CHD1L: variants seen among roughly 807,000 people sequenced by gnomAD.
CHD1L encodes ATP-dependent chromatin remodeler CHD1L.
Under a neutral mutation model 115.9 loss-of-function variants are expected in CHD1L, and 118 were observed. That is an observed-to-expected ratio of 1.02 (90% CI 0.88 to 1.19). The LOEUF (loss-of-function observed/expected upper bound fraction) is 1.19. CHD1L is among the 50% of genes most tolerant of loss of function. The pLI is 0.00. For missense variants in CHD1L, 1,179 were observed against 1,065.3 expected, an observed-to-expected ratio of 1.11 and a Z score of -1.49; for synonymous variants, 411 against 387.1, an observed-to-expected ratio of 1.06 and a Z score of -0.72.
chr1:147,267,399 G>C, intron 8 of CHD1L, 27 bp from the exon 9 acceptor site: 2 of 1,568,914 alleles, frequency 1.3e-6, no homozygotes, highest in Non-Finnish European at 1.8e-6. Context: ...ATCTCTTTCT[G>C]TCTCTCTCTT....
chr1:147,186,224 G>C, the CHD1L span: 2 of 648,764 alleles, frequency 3.1e-6, no homozygotes, highest in African/African-American at 4.0e-5. Context: ...CTCATTGGCA[G>C]ATGGTAGATG....
chr1:147,178,782 A>T, the CHD1L span: 2 of 1,604,444 alleles, frequency 1.2e-6, no homozygotes, highest in Non-Finnish European at 1.7e-6. Context: ...TGGCATATAC[A>T]GTGCAAAAAA....
the CHD1L span, chr1:147,178,114 A>C: frequency 8.2e-6 from 13 of 1,581,116 alleles, no homozygotes; most frequent in South Asian, 2.2e-5. Context: ...CCTCGCCGCC[A>C]TGTGCCTCCG....
chr1:147,256,097 A>G (rs782056462), intron 4 of CHD1L, among the ~76,000 whole-genome samples, 170 bp downstream of exon 4: 2 of 152,108 alleles, frequency 1.3e-5, no homozygotes, highest in African/African-American at 2.4e-5. Context: ...GTGAAGGATC[A>G]TTGTGCTTCA....
chr1:147,201,336 G>A, the CHD1L span: 2,514 of 1,614,162 alleles, frequency 1.6e-3, 25 homozygotes, highest in African/African-American at 0.017. Flanking sequence ...GAAAGTCAAA[G>A]CTATAGCCTG....
chr1:147,295,653 G>A lies in CHD1L; in HGVS notation c.*144G>A. On this transcript the variant is annotated 3_prime_UTR_variant, in exon 23 of 23. Transcript: ENST00000369258. ...TCTGAGTTTCAGTTTGGTTCTCCTG[G>A]ATGTTTTGCTCTGTTTTGGTACCTG... The A allele has an allele frequency of 1.5e-6, 1 of 645,480 alleles. No individual in the cohort carries two copies. The highest frequency in any genetic ancestry group is 2.6e-6 in the Non-Finnish European group (1 of 390,940). 40.0% of individuals were successfully genotyped at this position (645,480 alleles called of 1,614,324 possible).
chr1:147,178,210 G>A, the CHD1L span: 1 of 1,613,200 alleles, frequency 6.2e-7, no homozygotes, highest in African/African-American at 1.3e-5. Context: ...ACTCAGGGAC[G>A]ACAACTTGGA....
intron 21 of CHD1L, 46 bp from the exon 22 acceptor site, chr1:147,294,363 A>G (rs1553974238): frequency 4.3e-6 from 6 of 1,404,226 alleles, no homozygotes; most frequent in Middle Eastern, 1.8e-4. Context: ...ATACCCATCA[A>G]TCAATTTTTG....
chr1:147,194,720 C>T, the CHD1L span, among the ~76,000 whole-genome samples: 1 of 152,002 alleles, frequency 6.6e-6, no homozygotes, highest in Non-Finnish European at 1.5e-5. Flanking sequence ...CAAAATCTCT[C>T]AGCATTTGCT....
At chr1:147,239,703 G>A (rs140678816), upstream of CHD1L, among the ~76,000 whole-genome samples, 190 of 152,276 alleles carry the variant, frequency 1.2e-3, no homozygotes, top group African/African-American at 4.4e-3. Flanking sequence ...TTTCTTAGCT[G>A]TATTTTAGGT....
chr1:147,267,530 C>A lies in CHD1L; in HGVS notation c.988+12C>A, dbSNP rs782461248. The A allele has an allele frequency of 1.8e-5, 28 of 1,588,468 alleles. No homozygotes were observed. Among genetic ancestry groups the A allele is most frequent in the Middle Eastern group, 1.7e-4 (1 of 6,018 alleles). ...ATATTTGTTTGATGGTGAGACAGTG[C>A]CTTTTCCCCCCACATTATTCTTTGG... is the stretch of plus-strand genomic sequence containing the variant. On this transcript the variant is annotated intron_variant, in intron 9 of 22. Coordinates refer to ENST00000369258, the MANE Select transcript of CHD1L (RefSeq NM_004284.6).
intron 7 of CHD1L, 90 bp downstream of exon 7, chr1:147,264,674 A>G (rs782405564): frequency 1.6e-5 from 22 of 1,373,276 alleles, no homozygotes; most frequent in Non-Finnish European, 2.2e-5. Context: ...AAGAAGGAGA[A>G]TTGATGACCA....
the CHD1L span, among the ~76,000 whole-genome samples, chr1:147,218,230 C>A: frequency 7.6e-3 from 1,005 of 132,122 alleles, 8 homozygotes; most frequent in Non-Finnish European, 0.011. Context: ...ATTATAGTAT[C>A]TCAACATGCA....
intron 2 of CHD1L, among the ~76,000 whole-genome samples, chr1:147,253,522 G>C (rs1025042753): frequency 1.3e-5 from 2 of 152,180 alleles, no homozygotes; most frequent in African/African-American, 4.8e-5. Flanking sequence ...TTTTGTTTTT[G>C]AGACAGGGTC....
At position 147,260,366 on chromosome 1, in the gene CHD1L, G is replaced by C. The variant is rs889761119; in HGVS notation, c.576+448G>C. 2.0e-5 allele frequency: 3 copies of C among 152,278 alleles called. No homozygotes were observed. In the East Asian group the frequency reaches 5.8e-4, roughly 29 times the overall value. The allele number at this position is 152,278 out of a possible 1,614,324, so 9.4% of individuals were successfully genotyped here. The stretch of plus-strand genomic sequence containing the variant: ...AAATACTAGTTTAGGCCTATATAGA[G>C]TCAATTAAATTGAAACCTTTTTTCG... On this transcript the variant is annotated intron_variant, in intron 6 of 22. Transcript: ENST00000369258.
chr1:147,206,377 T>C, the CHD1L span, among the ~76,000 whole-genome samples: 2 of 152,206 alleles, frequency 1.3e-5, no homozygotes, highest in South Asian at 4.1e-4. Context: ...CAAAAAGAAC[T>C]AGAAATACCA....
the CHD1L span, among the ~76,000 whole-genome samples, chr1:147,205,556 G>T: frequency 8.5e-5 from 13 of 152,202 alleles, no homozygotes; most frequent in Non-Finnish European, 1.3e-4. Context: ...GTCAAAGAGA[G>T]AATTATTTCT....
intron 19 of CHD1L, among the ~76,000 whole-genome samples, chr1:147,289,889 G>C (rs10793657): frequency 0.22 from 33,255 of 152,100 alleles, 4,215 homozygotes; most frequent in Middle Eastern, 0.28. Context: ...CATAGAAGAC[G>C]TCACATGATT....
the CHD1L span, chr1:147,201,368 T>C: frequency 1.2e-6 from 2 of 1,614,074 alleles, no homozygotes; most frequent in African/African-American, 1.3e-5. Flanking sequence ...ACAGCATCAA[T>C]GTCATCCTCC....
Sources: allele counts gnomAD v4.1 joint callset (sites outside exome capture counted in the v4.1 genomes callset), GRCh38; gene constraint gnomAD v4.1.1; transcripts MANE v1.5; gene names NCBI Gene and HGNC (gene_info 2026-07-23, HGNC 2026-07-21).